The following AKR1C8 variants were observed in gnomAD, a reference collection of about 807,000 sequenced individuals.
AKR1C8 encodes the protein aldo-keto reductase family 1 member C8, also known as aldo-keto reductase family 1 member C-like protein 1.
chr10:5,117,450 T>C, the AKR1C8 span, among the ~76,000 whole-genome samples: 13 of 152,260 alleles, frequency 8.5e-5, no homozygotes, highest in Non-Finnish European at 1.8e-4. Context: ...CCCTCCAGAT[T>C]GTCTCCAATT....
the AKR1C8 span, among the ~76,000 whole-genome samples, chr10:5,139,345 C>A: frequency 4.6e-5 from 7 of 152,178 alleles, no homozygotes; most frequent in African/African-American, 1.7e-4. Context: ...ATTGCCAAGA[C>A]AATCCTAAGC....
At chr10:5,117,598 G>C in the AKR1C8 span, among the ~76,000 whole-genome samples, 1 of 152,088 alleles carries the variant, frequency 6.6e-6, no homozygotes, top group Admixed American at 6.6e-5. Context: ...AATACCTGAA[G>C]CTGAGAATTT....
chr10:5,123,028 T>A, the AKR1C8 span, among the ~76,000 whole-genome samples: 2 of 152,216 alleles, frequency 1.3e-5, no homozygotes, highest in East Asian at 1.9e-4. Flanking sequence ...AGCACAGGAA[T>A]GCATAATAAA....
the AKR1C8 span, among the ~76,000 whole-genome samples, chr10:5,137,548 C>G: frequency 1.5e-3 from 233 of 151,926 alleles, 1 homozygote; most frequent in African/African-American, 4.7e-3. Context: ...AAAATTCAAC[C>G]CTGCTTCATG....
chr10:5,119,111 A>G, the AKR1C8 span, among the ~76,000 whole-genome samples: 2 of 152,196 alleles, frequency 1.3e-5, no homozygotes, highest in Admixed American at 6.6e-5. Context: ...CTACCAGACT[A>G]TAAACTCAAG....
At chr10:5,141,566 A>G in the AKR1C8 span, among the ~76,000 whole-genome samples, 1 of 152,186 alleles carries the variant, frequency 6.6e-6, no homozygotes, top group Non-Finnish European at 1.5e-5. Context: ...TATGAACAAT[A>G]AGACTTGAAA....
chr10:5,137,631 G>T, the AKR1C8 span, among the ~76,000 whole-genome samples: 1 of 152,128 alleles, frequency 6.6e-6, no homozygotes, highest in Non-Finnish European at 1.5e-5. Context: ...TACTGAATGG[G>T]CAAAAACTGG....
At chr10:5,167,440 A>C in the AKR1C8 span, among the ~76,000 whole-genome samples, 1 of 152,228 alleles carries the variant, frequency 6.6e-6, no homozygotes, top group African/African-American at 2.4e-5. Context: ...TACAGCATGG[A>C]ATACTATGCA....
At chr10:5,120,548 C>CT in the AKR1C8 span, among the ~76,000 whole-genome samples, 26 of 151,824 alleles carry the variant, frequency 1.7e-4, no homozygotes, top group African/African-American at 6.1e-4. Flanking sequence ...TAATGAGTAC[C>CT]TTTTCAGTAG....
the AKR1C8 span, among the ~76,000 whole-genome samples, chr10:5,158,379 G>T: frequency 2.6e-5 from 4 of 152,324 alleles, no homozygotes; most frequent in South Asian, 2.1e-4. Context: ...TATTTTAGGA[G>T]TGGGGTTGGG....
the AKR1C8 span, among the ~76,000 whole-genome samples, chr10:5,179,683 T>C: frequency 2.6e-5 from 4 of 150,980 alleles, no homozygotes; most frequent in African/African-American, 9.8e-5. Flanking sequence ...CTTTTTATTC[T>C]TTTTTCTCTA....
chr10:5,180,344 C>G, the AKR1C8 span, among the ~76,000 whole-genome samples: 1 of 152,178 alleles, frequency 6.6e-6, no homozygotes, highest in South Asian at 2.1e-4. Context: ...AGTTTTGTCT[C>G]AAATGAGTAC....
chr10:5,182,450 G>A, the AKR1C8 span, among the ~76,000 whole-genome samples: 81,729 of 151,784 alleles, frequency 0.54, 22,899 homozygotes, highest in Non-Finnish European at 0.6. Flanking sequence ...ACAGGCTCAA[G>A]AACCCTATAT....
the AKR1C8 span, among the ~76,000 whole-genome samples, chr10:5,173,176 C>G: frequency 6.6e-6 from 1 of 151,792 alleles, no homozygotes. Context: ...AGTGGCAAGA[C>G]AGAATGGAGA....
At chr10:5,131,740 G>T in the AKR1C8 span, among the ~76,000 whole-genome samples, 2 of 151,808 alleles carry the variant, frequency 1.3e-5, no homozygotes, top group African/African-American at 4.8e-5. Context: ...TACATTGCTG[G>T]TGGGAATGTA....
At chr10:5,165,055 A>T in the AKR1C8 span, among the ~76,000 whole-genome samples, 29 of 152,278 alleles carry the variant, frequency 1.9e-4, no homozygotes, top group East Asian at 1.9e-4. Flanking sequence ...GTGATTCCCT[A>T]GAAACAAGGG....
chr10:5,135,018 C>T, the AKR1C8 span: 1 of 154,634 alleles, frequency 6.5e-6, no homozygotes, highest in East Asian at 1.9e-4. Context: ...ATAGCTCTGG[C>T]CTATTAAAAC....
the AKR1C8 span, chr10:5,155,240 G>A: frequency 1.3e-5 from 2 of 152,152 alleles, no homozygotes; most frequent in African/African-American, 4.8e-5. Flanking sequence ...TTGCCATGAT[G>A]TAAACACAAA....
At chr10:5,165,154 T>C in the AKR1C8 span, among the ~76,000 whole-genome samples, 1 of 152,148 alleles carries the variant, frequency 6.6e-6, no homozygotes, top group Non-Finnish European at 1.5e-5. Context: ...AGGGGGTTAT[T>C]TCACCACGAG....
Sources: allele counts gnomAD v4.1 joint callset (sites outside exome capture counted in the v4.1 genomes callset), GRCh38; gene constraint gnomAD v4.1.1; transcripts MANE v1.5; gene names NCBI Gene and HGNC (gene_info 2026-07-23, HGNC 2026-07-21).